Variants in DLG2 observed in about 807,000 individuals in gnomAD.
DLG2 encodes the protein disks large homolog 2.
A neutral mutation model predicts 132.5 loss-of-function variants in DLG2; 45 were observed. That is an observed-to-expected ratio of 0.34 (90% CI 0.27 to 0.44). The LOEUF (loss-of-function observed/expected upper bound fraction) is 0.44, where lower values mean the gene tolerates loss of function less well. DLG2 is among the 20% of genes least tolerant of loss of function. The probability of loss-of-function intolerance (pLI) is 1.00; values close to 1 mark genes in which losing one functional copy is unlikely to be tolerated. For synonymous variants in DLG2, 424 were observed against 419.6 expected (o/e 1.01, Z -0.13); for missense variants, 1,045 against 1,196.9 (o/e 0.87, Z 1.87).
At chr11:85,472,247 C>T (rs1170115007) in intron 3 of DLG2, among the ~76,000 whole-genome samples, 1 of 152,204 alleles carries the variant, frequency 6.6e-6, no homozygotes, top group Non-Finnish European at 1.5e-5. Context: ...CTGGGACTAC[C>T]TGCCTTCAGG....
At chr11:84,834,651 A>C (rs1272071606) in intron 6 of DLG2, among the ~76,000 whole-genome samples, 1 of 151,580 alleles carries the variant, frequency 6.6e-6, no homozygotes, top group Non-Finnish European at 1.5e-5. Context: ...CTGAATATGG[A>C]GTCTTTTTTA....
intron 6 of DLG2, among the ~76,000 whole-genome samples, chr11:85,011,494 G>A (rs748159793): frequency 5.9e-5 from 9 of 152,178 alleles, no homozygotes; most frequent in Non-Finnish European, 1.2e-4. Flanking sequence ...TTAACACTTA[G>A]TCAAGAGTGC....
chr11:83,786,415 C>T (rs1284825154), intron 18 of DLG2: 1 of 383,222 alleles, frequency 2.6e-6, no homozygotes, highest in East Asian at 4.9e-5. Flanking sequence ...GTGTGTACCA[C>T]ATAAGAATAT....
intron 8 of DLG2, among the ~76,000 whole-genome samples, chr11:84,189,373 T>C (rs558690693): frequency 6.6e-6 from 1 of 152,322 alleles, no homozygotes; most frequent in East Asian, 1.9e-4. Context: ...TTTACACTAT[T>C]GGTGGGAGTG....
chr11:85,564,486 A>T (rs1009737446), intron 3 of DLG2, among the ~76,000 whole-genome samples: 1 of 151,906 alleles, frequency 6.6e-6, no homozygotes, highest in African/African-American at 2.4e-5. Flanking sequence ...CTAGAACTCA[A>T]TGTTCTAGCA....
At chr11:85,153,302 A>G (rs1414098900) in intron 5 of DLG2, among the ~76,000 whole-genome samples, 1 of 152,112 alleles carries the variant, frequency 6.6e-6, no homozygotes, top group African/African-American at 2.4e-5. Context: ...AATATGCCCC[A>G]TCTCCTCTAA....
intron 8 of DLG2, among the ~76,000 whole-genome samples, chr11:84,186,595 C>T (rs1481903327): frequency 1.3e-5 from 2 of 151,782 alleles, no homozygotes; most frequent in Non-Finnish European, 2.9e-5. Flanking sequence ...ATCCTAGGGG[C>T]ATTATGAACC....
intron 7 of DLG2, among the ~76,000 whole-genome samples, chr11:84,367,592 T>C (rs1358908912): frequency 2.6e-5 from 4 of 152,092 alleles, no homozygotes; most frequent in African/African-American, 9.7e-5. Context: ...CATACATAGA[T>C]TAATGGATTA....
chr11:85,353,088 T>C (rs2083423715), intron 3 of DLG2, among the ~76,000 whole-genome samples: 2 of 152,136 alleles, frequency 1.3e-5, no homozygotes, highest in African/African-American at 2.4e-5. Flanking sequence ...AATCTACCCA[T>C]CTGACAAAGG....
At chr11:84,183,881 C>A (rs1191366441) in intron 8 of DLG2, among the ~76,000 whole-genome samples, 3 of 152,092 alleles carry the variant, frequency 2.0e-5, no homozygotes, top group Non-Finnish European at 4.4e-5. Context: ...CAGCTTCATC[C>A]ATGTCCCTAC....
intron 8 of DLG2, among the ~76,000 whole-genome samples, chr11:84,182,551 G>C (rs2096164831): frequency 7.0e-6 from 1 of 141,972 alleles, no homozygotes; most frequent in Non-Finnish European, 1.6e-5. Flanking sequence ...AAAAGAAAAA[G>C]AAAAAGAATA....
intron 5 of DLG2, among the ~76,000 whole-genome samples, chr11:85,135,276 A>C (rs1293199960): frequency 6.6e-6 from 1 of 152,236 alleles, no homozygotes; most frequent in African/African-American, 2.4e-5. Context: ...ATGACTTCCT[A>C]AAAGCCTAGT....
chr11:84,128,182 G>C (rs2094263624), intron 9 of DLG2, among the ~76,000 whole-genome samples: 1 of 152,134 alleles, frequency 6.6e-6, no homozygotes, highest in South Asian at 2.1e-4. Context: ...AGTTGGATAA[G>C]TAGGAAGAAG....
chr11:84,115,996 C>A (rs931211008), intron 9 of DLG2, among the ~76,000 whole-genome samples: 2 of 152,096 alleles, frequency 1.3e-5, no homozygotes, highest in Admixed American at 6.6e-5. Flanking sequence ...CAGTAAGAAG[C>A]GGTAATAGAG....
chr11:84,972,864 G>A (rs2054294535), intron 6 of DLG2, among the ~76,000 whole-genome samples: 1 of 151,926 alleles, frequency 6.6e-6, no homozygotes, highest in Non-Finnish European at 1.5e-5. Context: ...GACTTAGCAG[G>A]CAGACTGCCT....
chr11:85,218,654 T>C (rs1203530312), intron 4 of DLG2, among the ~76,000 whole-genome samples: 1 of 152,210 alleles, frequency 6.6e-6, no homozygotes, highest in African/African-American at 2.4e-5. Context: ...GGAAATTGTC[T>C]GAAGATTTCT....
rs1189063653 is a variant in DLG2, at chr11:85,582,133, G to A, written c.40+16524C>T. ...AAAAACAAAGAAATTGAAGATGCAT[G>A]CAAATTGAGTAATCACAGTAATGAA... On this transcript the variant is annotated intron_variant, in intron 3 of 27. Transcript: ENST00000376104. Among the ~76,000 whole-genome samples the A allele has an allele frequency of 3.9e-5, 6 of 152,174 alleles. No homozygotes were observed. The East Asian group carries it at 1.2e-3, about 29-fold the overall frequency.
chr11:85,430,695 G>C (rs897620649), intron 3 of DLG2, among the ~76,000 whole-genome samples: 2 of 152,138 alleles, frequency 1.3e-5, no homozygotes, highest in African/African-American at 4.8e-5. Flanking sequence ...CAGGGTTTAT[G>C]TTTGTAATTG....
chr11:84,902,384 T>C (rs1259962065), intron 6 of DLG2, among the ~76,000 whole-genome samples: 2 of 152,176 alleles, frequency 1.3e-5, no homozygotes, highest in Non-Finnish European at 2.9e-5. Context: ...AAATGGCAAT[T>C]ATTCTTCTGC....
Sources: allele counts gnomAD v4.1 joint callset (sites outside exome capture counted in the v4.1 genomes callset), GRCh38; gene constraint gnomAD v4.1.1; transcripts MANE v1.5; gene names NCBI Gene and HGNC (gene_info 2026-07-23, HGNC 2026-07-21).